The following SLC25A28 variants were observed in gnomAD, a reference collection of about 807,000 sequenced individuals.
The protein encoded by SLC25A28 is solute carrier family 25 member 28.
SLC25A28 carries 10 observed loss-of-function variants against 31.9 expected under a neutral mutation model. The ratio of observed to expected loss-of-function variants is 0.31; its 90% CI spans 0.19 to 0.53. SLC25A28 has a LOEUF of 0.53. SLC25A28 is among the 20% of genes least tolerant of loss of function. SLC25A28 has a pLI of 0.95. For missense variants in SLC25A28, 256 were observed against 490.3 expected (o/e 0.52, Z 4.51); for synonymous variants, 208 against 203.6 (o/e 1.02, Z -0.19).
the SLC25A28 span, among the ~76,000 whole-genome samples, chr10:99,626,686 A>G: frequency 6.6e-6 from 1 of 152,184 alleles, no homozygotes; most frequent in Admixed American, 6.5e-5. Context: ...CCTGACTTAC[A>G]TATATTCCTG....
the SLC25A28 span, among the ~76,000 whole-genome samples, chr10:99,650,063 T>A: frequency 1.3e-5 from 2 of 152,096 alleles, no homozygotes; most frequent in Non-Finnish European, 2.9e-5. Flanking sequence ...TTTGGATATA[T>A]ATATTTAATG....
chr10:99,612,089 T>C (rs567916416), intron 3 of SLC25A28, among the ~76,000 whole-genome samples: 1 of 152,320 alleles, frequency 6.6e-6, no homozygotes, highest in Admixed American at 6.5e-5. Context: ...CCAGCAGAAA[T>C]GCAGGGACTG....
the SLC25A28 span, among the ~76,000 whole-genome samples, chr10:99,645,220 T>C: frequency 2.6e-5 from 4 of 152,216 alleles, no homozygotes; most frequent in Admixed American, 2.0e-4. Context: ...TCTTTTCACA[T>C]AGTCCCATAT....
chr10:99,657,940 C>T, the SLC25A28 span, among the ~76,000 whole-genome samples: 6 of 152,100 alleles, frequency 3.9e-5, no homozygotes, highest in Non-Finnish European at 8.8e-5. Flanking sequence ...AATCCCAGCA[C>T]TTTGGGAGGC....
chr10:99,617,174 T>C, intron 1 of SLC25A28: 3 of 985,430 alleles, frequency 3.0e-6, no homozygotes, highest in Non-Finnish European at 3.6e-6. Flanking sequence ...TCTGACTGTT[T>C]TGGGTTGCAG....
chr10:99,643,927 G>C, the SLC25A28 span, among the ~76,000 whole-genome samples: 1 of 152,238 alleles, frequency 6.6e-6, no homozygotes, highest in African/African-American at 2.4e-5. Context: ...TGTGGTCTGA[G>C]AGACAGTTTG....
Position 99,612,543 on chromosome 10 carries a change from C to T in SLC25A28, c.577G>A (p.Val193Met). ...GAGTGATAGGTTGAGGAATCATTAC[C>T]TTCCGCAGGGTTCATGGCTGCATCA... ...LHDAAMNPAE[V>M]VKQRMQMYNS... Residue 193 changes from valine (V) to methionine (M), a missense_variant and splice_region_variant, in exon 3 of 4, where the codon GTG becomes ATG. Coordinates refer to ENST00000370495, the MANE Select transcript of SLC25A28 (RefSeq NM_031212.4). 2 of 1,614,120 alleles carry T rather than the reference C, an allele frequency of 1.2e-6. No individual in the cohort carries two copies. Among genetic ancestry groups the T allele is most frequent in the Non-Finnish European group, 1.7e-6 (2 of 1,180,020 alleles).
At chr10:99,618,547 CT>C in intron 1 of SLC25A28, 5 of 985,330 alleles carry the variant, frequency 5.1e-6, no homozygotes, top group Non-Finnish European at 4.8e-6. Flanking sequence ...ATGTGTGCAT[CT>C]TTTTTATTTA....
upstream of SLC25A28, chr10:99,621,917 T>G (rs2034803196): frequency 6.6e-6 from 1 of 152,290 alleles, no homozygotes; most frequent in African/African-American, 2.4e-5. Flanking sequence ...TCTCTTCTCC[T>G]ACTTCCACCT....
At chr10:99,615,690 T>C in intron 1 of SLC25A28, 1 of 985,438 alleles carries the variant, frequency 1.0e-6, no homozygotes, top group Non-Finnish European at 1.2e-6. Context: ...ACACAAGGCA[T>C]ATAAAATCCA....
chr10:99,641,806 C>T, the SLC25A28 span, among the ~76,000 whole-genome samples: 1 of 152,188 alleles, frequency 6.6e-6, no homozygotes, highest in Admixed American at 6.5e-5. Context: ...TTTCCCAGCA[C>T]CATTTATTAA....
chr10:99,621,018 G>A (rs1360593799), upstream of SLC25A28: 5 of 976,250 alleles, frequency 5.1e-6, no homozygotes. Flanking sequence ...CCGGAGAGCC[G>A]TGTTCCCGCG....
At chr10:99,651,074 TTA>T in the SLC25A28 span, among the ~76,000 whole-genome samples, 1 of 152,200 alleles carries the variant, frequency 6.6e-6, no homozygotes, top group Non-Finnish European at 1.5e-5. Flanking sequence ...GATTTCTCTC[TTA>T]TTGTTTCCCA....
At chr10:99,635,005 A>G in the SLC25A28 span, among the ~76,000 whole-genome samples, 145 of 152,358 alleles carry the variant, frequency 9.5e-4, no homozygotes, top group Non-Finnish European at 3.1e-4. Flanking sequence ...CTCCTCAAAC[A>G]AAACAATTAT....
At chr10:99,627,469 A>G in the SLC25A28 span, among the ~76,000 whole-genome samples, 1 of 148,252 alleles carries the variant, frequency 6.7e-6, no homozygotes, top group Non-Finnish European at 1.5e-5. Flanking sequence ...GAGACAAGAT[A>G]CTGCTCCGTC....
chr10:99,635,044 C>T, the SLC25A28 span, among the ~76,000 whole-genome samples: 1 of 152,176 alleles, frequency 6.6e-6, no homozygotes, highest in Non-Finnish European at 1.5e-5. Context: ...TCCAGCAAGA[C>T]TAAGCATCAT....
chr10:99,620,251 G>C lies in SLC25A28; in HGVS notation c.85C>G (p.Leu29Val). 1 of 1,240,862 alleles carries C rather than the reference G, an allele frequency of 8.1e-7. No individual in the cohort carries two copies. The highest frequency in any genetic ancestry group is 1.0e-6 in the Non-Finnish European group (1 of 997,628). 76.9% of individuals were successfully genotyped at this position (1,240,862 alleles called of 1,614,324 possible). Residue 29 changes from leucine (L) to valine (V), a missense_variant, in exon 1 of 4, where the codon CTG becomes GTG. Physicochemically the swap from Leu to Val is conservative, Grantham distance 32. Coordinates refer to ENST00000370495, the MANE Select transcript of SLC25A28 (RefSeq NM_031212.4). ...ACGCCCCGCTGCAGCCACCCGTCCA[G>C]CAGCGCCGACTCCCCGGGGCTCCGC... ...PGRSPGESAL[L>V]DGWLQRGVGR...
chr10:99,620,930 C>A, upstream of SLC25A28: 1 of 979,054 alleles, frequency 1.0e-6, no homozygotes, highest in Non-Finnish European at 1.2e-6. Context: ...AAACTGCTGA[C>A]GGGCGCCGTT....
chr10:99,622,483 A>G (rs1047098076), upstream of SLC25A28, among the ~76,000 whole-genome samples: 2 of 152,200 alleles, frequency 1.3e-5, no homozygotes, highest in African/African-American at 4.8e-5. Flanking sequence ...TACTCCACTA[A>G]TGACCTATCC....
Sources: gnomAD v4.1 joint callset for allele counts (sites outside exome capture counted in the v4.1 genomes callset) on GRCh38, gnomAD v4.1.1 for gene constraint, MANE v1.5 for transcripts, NCBI Gene and HGNC (gene_info 2026-07-23, HGNC 2026-07-21) for gene names.